Variants in GLIS3 observed in about 807,000 individuals in gnomAD.
GLIS3 encodes the protein GLIS family zinc finger 3.
In GLIS3, 53 loss-of-function variants were observed where a neutral mutation model predicts 78.6. That is an observed-to-expected ratio of 0.67 (90% CI 0.54 to 0.85). The LOEUF (loss-of-function observed/expected upper bound fraction) is 0.85. GLIS3 is among the 40% of genes least tolerant of loss of function. The pLI is 0.00. For missense variants in GLIS3, 1,703 were observed against 1,231.1 expected, an observed-to-expected ratio of 1.38 and a Z score of -5.74; for synonymous variants, 684 against 509.9, an observed-to-expected ratio of 1.34 and a Z score of -4.60.
At chr9:4,279,666 C>G (rs1827373849) in intron 2 of GLIS3, among the ~76,000 whole-genome samples, 1 of 149,048 alleles carries the variant, frequency 6.7e-6, no homozygotes, top group Non-Finnish European at 1.5e-5. Context: ...CTGGTGTTAA[C>G]CTAGAGCTTA....
At chr9:4,067,109 G>A (rs1224681882) in intron 4 of GLIS3, among the ~76,000 whole-genome samples, 1 of 151,976 alleles carries the variant, frequency 6.6e-6, no homozygotes, top group Non-Finnish European at 1.5e-5. Context: ...CTGCCCTGGA[G>A]AAAAATCTGC....
chr9:4,441,796 G>A, the GLIS3 span, among the ~76,000 whole-genome samples: 2 of 151,986 alleles, frequency 1.3e-5, no homozygotes, highest in African/African-American at 4.8e-5. Context: ...TTGTAGAGAC[G>A]AGGTTTTGCC....
intron 1 of GLIS3, among the ~76,000 whole-genome samples, chr9:4,298,124 C>T (rs1279482731): frequency 2.0e-5 from 3 of 152,190 alleles, no homozygotes; most frequent in Admixed American, 6.5e-5. Flanking sequence ...CTGAGTGAGT[C>T]GGGGGCCGAA....
intron 2 of GLIS3, among the ~76,000 whole-genome samples, chr9:4,227,563 A>T (rs1047779086): frequency 2.0e-5 from 3 of 152,130 alleles, no homozygotes; most frequent in African/African-American, 7.2e-5. Flanking sequence ...TCTCCTATTG[A>T]CTGCAAGAGT....
the GLIS3 span, among the ~76,000 whole-genome samples, chr9:4,474,318 C>T: frequency 6.6e-6 from 1 of 152,144 alleles, no homozygotes; most frequent in Non-Finnish European, 1.5e-5. Context: ...CTAGCCTGGG[C>T]AATATGGTGA....
chr9:3,985,388 T>C (rs1421853380), intron 4 of GLIS3, among the ~76,000 whole-genome samples: 1 of 152,198 alleles, frequency 6.6e-6, no homozygotes, highest in Non-Finnish European at 1.5e-5. Context: ...GCTCAGGCAA[T>C]GTGCCTGCCT....
At chr9:4,417,080 A>G in the GLIS3 span, among the ~76,000 whole-genome samples, 1 of 152,106 alleles carries the variant, frequency 6.6e-6, no homozygotes, top group Non-Finnish European at 1.5e-5. Context: ...AGAGTTTATC[A>G]CTGGAGACAG....
intron 6 of GLIS3, among the ~76,000 whole-genome samples, chr9:3,927,805 T>A (rs550524): frequency 0.83 from 126,296 of 152,036 alleles, 53,168 homozygotes; most frequent in Middle Eastern, 0.9. Flanking sequence ...ATATTGGGTC[T>A]ACCTAAAAGG....
intron 4 of GLIS3, among the ~76,000 whole-genome samples, chr9:4,031,382 C>A (rs559736395): frequency 4.9e-4 from 74 of 152,124 alleles, no homozygotes; most frequent in Non-Finnish European, 9.3e-4. Flanking sequence ...AGAAGCCAGA[C>A]ACAAAAGGTC....
rs1203487438 is a variant in GLIS3, at chr9:3,906,740, G to A, written c.1984-7905C>T. 8.5e-5 allele frequency among the ~76,000 whole-genome samples: 13 copies of A among 152,184 alleles called. 1 individual carries two copies. The highest frequency in any genetic ancestry group is 6.2e-4 in the South Asian group (3 of 4,814). On this transcript the variant is annotated intron_variant, in intron 6 of 10. Coordinates refer to ENST00000381971, the MANE Select transcript of GLIS3 (RefSeq NM_001042413.2). ...GGACTCTCCTAAAATTGAGTTTATC[G>A]TGCTATACTCAAGGTACAAATATCT...
At chr9:4,309,596 C>G (rs1474759073) in intron 3 of GLIS3, among the ~76,000 whole-genome samples, 1 of 152,174 alleles carries the variant, frequency 6.6e-6, no homozygotes, top group Non-Finnish European at 1.5e-5. Context: ...GGCAAACTTA[C>G]TACTTTATAA....
chr9:4,466,872 C>T, the GLIS3 span, among the ~76,000 whole-genome samples: 1 of 152,224 alleles, frequency 6.6e-6, no homozygotes, highest in Non-Finnish European at 1.5e-5. Context: ...CGGGGTATTC[C>T]CCTTCCTAGC....
At chr9:4,126,428 C>T (rs1255602048) in intron 2 of GLIS3, among the ~76,000 whole-genome samples, 2 of 152,190 alleles carry the variant, frequency 1.3e-5, no homozygotes, top group African/African-American at 4.8e-5. Flanking sequence ...TGTCTCTCTA[C>T]TCTTGATTTT....
intron 4 of GLIS3, among the ~76,000 whole-genome samples, chr9:3,965,501 CCTAATT>C (rs1376058264): frequency 1.3e-5 from 2 of 152,034 alleles, no homozygotes; most frequent in Non-Finnish European, 2.9e-5. Context: ...ACGCCTCTTT[CCTAATT>C]CTATCACTCT....
rs114522706 is a variant in GLIS3 at position 4,032,417 on chromosome 9, A to C, written c.1710+85351T>G. 9.9e-3 allele frequency among the ~76,000 whole-genome samples: 1,496 copies of C among 151,844 alleles called. 25 individuals are homozygous for C. The highest frequency in any genetic ancestry group is 0.033 in the African/African-American group (1,385 of 41,404). The stretch of plus-strand genomic sequence containing the variant: ...ACAAAATGCAAAAGCATATCATCTC[A>C]CTTTCTTCTGCATAGAATGCTTTTT... On this transcript the variant is annotated intron_variant, in intron 4 of 10. Coordinates refer to ENST00000381971, the MANE Select transcript of GLIS3 (RefSeq NM_001042413.2).
intron 6 of GLIS3, among the ~76,000 whole-genome samples, chr9:3,908,226 G>C (rs928010535): frequency 3.3e-5 from 5 of 152,182 alleles, no homozygotes; most frequent in Admixed American, 6.5e-5. Flanking sequence ...TTACTGTATA[G>C]TAAGGGGCAA....
intron 2 of GLIS3, among the ~76,000 whole-genome samples, chr9:4,174,591 C>G (rs976666174): frequency 1.1e-4 from 17 of 152,164 alleles, no homozygotes; most frequent in Non-Finnish European, 2.4e-4. Flanking sequence ...GACATTTTTA[C>G]AAATCTACCA....
chr9:4,140,222 G>A (rs989019474), intron 2 of GLIS3, among the ~76,000 whole-genome samples: 5 of 152,056 alleles, frequency 3.3e-5, no homozygotes, highest in African/African-American at 1.2e-4. Context: ...TACTTGTGGG[G>A]CTAAGGTGGG....
chr9:3,847,628 C>T (rs533553226), intron 9 of GLIS3, among the ~76,000 whole-genome samples: 20 of 152,342 alleles, frequency 1.3e-4, no homozygotes, highest in African/African-American at 4.8e-4. Flanking sequence ...TCAGTCATTT[C>T]CATAATCAAT....
Sources: gnomAD v4.1 joint callset for allele counts (sites outside exome capture counted in the v4.1 genomes callset) on GRCh38, gnomAD v4.1.1 for gene constraint, MANE v1.5 for transcripts, NCBI Gene and HGNC (gene_info 2026-07-23, HGNC 2026-07-21) for gene names.